Variants in CDH18 observed in about 807,000 individuals in gnomAD.
CDH18 encodes the protein cadherin-18.
A neutral mutation model predicts 67.9 loss-of-function variants in CDH18; 31 were observed. The ratio of observed to expected loss-of-function variants is 0.46; its 90% CI spans 0.34 to 0.62. The LOEUF is 0.62. CDH18 is among the 20% of genes least tolerant of loss of function. The pLI is 0.01. For missense variants in CDH18, 890 were observed against 975.5 expected (o/e 0.91, Z 1.17); for synonymous variants, 362 against 347.2 (o/e 1.04, Z -0.48).
chr5:19,550,617 T>C lies in CDH18; in HGVS notation c.1254-6612A>G, dbSNP rs1214475245. 2.0e-5 allele frequency among the ~76,000 whole-genome samples: 3 copies of C among 152,232 alleles called. No individual in the cohort carries two copies. In the East Asian group the frequency reaches 5.8e-4, roughly 29 times the overall value. On this transcript the variant is annotated intron_variant, in intron 8 of 12. Coordinates refer to ENST00000382275, the MANE Select transcript of CDH18 (RefSeq NM_004934.5). Reference sequence around the variant, plus strand: ...TTCATCATTTTTTATGGCTGCATAGTATTCCATGGAGTATATGTGCCACAT... The same window carrying C: ...TTCATCATTTTTTATGGCTGCATAGCATTCCATGGAGTATATGTGCCACAT...
At chr5:20,249,201 T>C (rs1743617641) in intron 2 of CDH18, among the ~76,000 whole-genome samples, 1 of 152,080 alleles carries the variant, frequency 6.6e-6, no homozygotes, top group Non-Finnish European at 1.5e-5. Context: ...CAAAATTCAT[T>C]ATGTGATTTT....
At chr5:20,468,129 C>T (rs1751788546) in intron 1 of CDH18, among the ~76,000 whole-genome samples, 1 of 151,996 alleles carries the variant, frequency 6.6e-6, no homozygotes, top group Non-Finnish European at 1.5e-5. Context: ...AATCTCCTGC[C>T]TTAGCCTCCT....
At chr5:20,162,661 C>T (rs1417311231) in intron 2 of CDH18, among the ~76,000 whole-genome samples, 1 of 151,236 alleles carries the variant, frequency 6.6e-6, no homozygotes, top group African/African-American at 2.4e-5. Context: ...GGTTATCATA[C>T]ACTTGTCAGC....
At chr5:20,030,569 T>C (rs1739309259) in intron 2 of CDH18, among the ~76,000 whole-genome samples, 1 of 152,102 alleles carries the variant, frequency 6.6e-6, no homozygotes, top group African/African-American at 2.4e-5. Context: ...GAAGTGATGC[T>C]GGATTAAAAA....
intron 1 of CDH18, among the ~76,000 whole-genome samples, chr5:20,283,735 G>A (rs1215122327): frequency 1.3e-5 from 2 of 152,018 alleles, no homozygotes; most frequent in African/African-American, 4.8e-5. Context: ...ATATGATCCA[G>A]CAAATCCACT....
intron 3 of CDH18, among the ~76,000 whole-genome samples, chr5:19,799,276 A>G (rs1777176949): frequency 1.3e-5 from 2 of 152,106 alleles, no homozygotes; most frequent in South Asian, 2.1e-4. Context: ...TGTTTGTTCA[A>G]TGGGTGTGAA....
intron 2 of CDH18, among the ~76,000 whole-genome samples, chr5:19,891,925 A>G (rs1426556334): frequency 6.6e-6 from 1 of 152,208 alleles, no homozygotes; most frequent in Non-Finnish European, 1.5e-5. Flanking sequence ...TCAAATGAAG[A>G]GTTGCCACAG....
intron 2 of CDH18, among the ~76,000 whole-genome samples, chr5:19,963,248 C>G (rs550519712): frequency 6.6e-6 from 1 of 152,074 alleles, no homozygotes; most frequent in Non-Finnish European, 1.5e-5. Context: ...TCATTCCTAT[C>G]CAACTTTTCA....
At chr5:20,190,779 C>T (rs963880822) in intron 2 of CDH18, among the ~76,000 whole-genome samples, 6 of 152,116 alleles carry the variant, frequency 3.9e-5, no homozygotes, top group African/African-American at 9.7e-5. Flanking sequence ...AATGAGAGAC[C>T]TATTACCACC....
chr5:19,660,668 G>A (rs990711506), intron 5 of CDH18, among the ~76,000 whole-genome samples: 3 of 152,016 alleles, frequency 2.0e-5, no homozygotes, highest in Admixed American at 6.6e-5. Flanking sequence ...TTAAAGAATC[G>A]TAGGGAAAAT....
chr5:20,489,491 T>C (rs1581098398), intron 1 of CDH18, among the ~76,000 whole-genome samples: 1 of 152,224 alleles, frequency 6.6e-6, no homozygotes, highest in Non-Finnish European at 1.5e-5. Context: ...ACTTTTTTCT[T>C]TGTAAAAAAT....
At chr5:20,430,583 A>T (rs910854268) in intron 1 of CDH18, among the ~76,000 whole-genome samples, 13 of 152,204 alleles carry the variant, frequency 8.5e-5, no homozygotes, top group African/African-American at 3.1e-4. Flanking sequence ...GATTTAATTT[A>T]TATCACATAC....
In CDH18 at chr5:19,471,321, T is replaced by G. The variant is rs1737628451; in HGVS notation, c.*1905A>C. Among the ~76,000 whole-genome samples, 1 of 152,144 alleles carries G rather than the reference T, an allele frequency of 6.6e-6. No homozygotes were observed. The highest frequency in any genetic ancestry group is 1.5e-5 in the Non-Finnish European group (1 of 68,016). On this transcript the variant is annotated 3_prime_UTR_variant, in exon 13 of 13. Coordinates refer to ENST00000382275, the MANE Select transcript of CDH18 (RefSeq NM_004934.5). ...TGTCGTAAAAAGCTTAAATTACATT[T>G]TATTCCTCAGGCTTAAAACACAAAT...
intron 2 of CDH18, among the ~76,000 whole-genome samples, chr5:19,953,652 G>T (rs1004547645): frequency 6.6e-6 from 1 of 151,928 alleles, no homozygotes; most frequent in Non-Finnish European, 1.5e-5. Context: ...TGTATCTTTA[G>T]CGTTGACATA....
intron 2 of CDH18, among the ~76,000 whole-genome samples, chr5:19,932,182 C>T (rs772170402): frequency 1.1e-4 from 16 of 151,690 alleles, no homozygotes; most frequent in Non-Finnish European, 2.1e-4. Context: ...CTATAAGACA[C>T]GTTGGCACTT....
intron 2 of CDH18, among the ~76,000 whole-genome samples, chr5:19,861,090 A>G (rs1784843711): frequency 6.6e-6 from 1 of 152,182 alleles, no homozygotes; most frequent in African/African-American, 2.4e-5. Context: ...TATCTTACAG[A>G]ACGTTATTAA....
At chr5:20,276,641 G>A (rs1745833941) in intron 1 of CDH18, among the ~76,000 whole-genome samples, 1 of 152,152 alleles carries the variant, frequency 6.6e-6, no homozygotes, top group South Asian at 2.1e-4. Context: ...GGAGAGGAAA[G>A]AGTAAAGGGA....
At chr5:20,259,729 G>C (rs1744503396) in intron 1 of CDH18, among the ~76,000 whole-genome samples, 1 of 152,086 alleles carries the variant, frequency 6.6e-6, no homozygotes, top group Admixed American at 6.5e-5. Flanking sequence ...GCCATTTGTG[G>C]ATGTTCAGCT....
At chr5:20,328,026 C>G (rs1738771686) in intron 1 of CDH18, among the ~76,000 whole-genome samples, 1 of 152,012 alleles carries the variant, frequency 6.6e-6, no homozygotes, top group Admixed American at 6.6e-5. Context: ...GGAATAGAGA[C>G]TTAGCATGTT....
Sources: gnomAD v4.1 joint callset for allele counts (sites outside exome capture counted in the v4.1 genomes callset) on GRCh38, gnomAD v4.1.1 for gene constraint, MANE v1.5 for transcripts, NCBI Gene and HGNC (gene_info 2026-07-23, HGNC 2026-07-21) for gene names.